Variants in TMEM135 observed in about 807,000 individuals in gnomAD.
TMEM135 encodes peroxisomal membrane protein 52.
A neutral mutation model predicts 60.3 loss-of-function variants in TMEM135; 30 were observed. That is an observed-to-expected ratio of 0.50 (90% CI 0.37 to 0.68). The LOEUF is 0.68. Among genes scored for constraint, TMEM135 ranks in the 30% least tolerant of loss-of-function variants. The pLI is 0.00. For synonymous variants in TMEM135, 190 were observed against 186.7 expected, an observed-to-expected ratio of 1.02 and a Z score of -0.14; for missense variants, 468 against 548.8, an observed-to-expected ratio of 0.85 and a Z score of 1.47.
chr11:87,105,856 C>A (rs1857581851), intron 4 of TMEM135, among the ~76,000 whole-genome samples: 1 of 152,118 alleles, frequency 6.6e-6, no homozygotes, highest in Non-Finnish European at 1.5e-5. Context: ...CCCTACTGTG[C>A]TATAGAACAC....
intron 5 of TMEM135, among the ~76,000 whole-genome samples, chr11:87,197,085 A>G (rs975000794): frequency 2.0e-5 from 3 of 152,100 alleles, no homozygotes; most frequent in Non-Finnish European, 4.4e-5. Flanking sequence ...TCTTTAGACA[A>G]ACAGCATTAA....
chr11:87,272,655 G>T (rs893151110), intron 6 of TMEM135, among the ~76,000 whole-genome samples: 1 of 151,896 alleles, frequency 6.6e-6, no homozygotes, highest in Non-Finnish European at 1.5e-5. Flanking sequence ...TAGAGATGAG[G>T]TCTTGCTCTG....
At chr11:87,270,300 G>T (rs561038394) in intron 6 of TMEM135, among the ~76,000 whole-genome samples, 2 of 151,814 alleles carry the variant, frequency 1.3e-5, no homozygotes, top group Non-Finnish European at 2.9e-5. Flanking sequence ...TAGGATGCCT[G>T]TTCACTCTGA....
chr11:87,116,702 C>G (rs904858821), intron 4 of TMEM135, among the ~76,000 whole-genome samples: 7 of 151,890 alleles, frequency 4.6e-5, no homozygotes, highest in Non-Finnish European at 7.4e-5. Flanking sequence ...GGGTTTGGAT[C>G]TAGACCACTG....
At chr11:87,043,931 C>A (rs984106599) in intron 1 of TMEM135, among the ~76,000 whole-genome samples, 2 of 152,046 alleles carry the variant, frequency 1.3e-5, no homozygotes, top group African/African-American at 2.4e-5. Context: ...AACACTAAGA[C>A]CTTTCTTTTC....
At chr11:87,187,567 T>G (rs888640572) in intron 5 of TMEM135, among the ~76,000 whole-genome samples, 1 of 152,200 alleles carries the variant, frequency 6.6e-6, no homozygotes, top group African/African-American at 2.4e-5. Context: ...AAATGTAGTT[T>G]GTTGTAATGA....
intron 1 of TMEM135, among the ~76,000 whole-genome samples, chr11:87,054,731 A>T (rs968446625): frequency 6.6e-6 from 1 of 152,166 alleles, no homozygotes; most frequent in African/African-American, 2.4e-5. Flanking sequence ...ATTGCCAGTG[A>T]TGAAGGAAGG....
chr11:87,250,858 G>A (rs1272870842), intron 6 of TMEM135, among the ~76,000 whole-genome samples: 2 of 152,178 alleles, frequency 1.3e-5, no homozygotes, highest in African/African-American at 4.8e-5. Flanking sequence ...CAGCAATGCA[G>A]AGAGTGAATT....
At chr11:87,146,480 G>A (rs540519820) in intron 4 of TMEM135, among the ~76,000 whole-genome samples, 4 of 152,146 alleles carry the variant, frequency 2.6e-5, no homozygotes, top group Non-Finnish European at 4.4e-5. Flanking sequence ...GGCCTTAAGC[G>A]ATCCTCCTAC....
chr11:87,144,709 A>AGTGTGTGTGTGTGTGTGTGTGTGT (rs4014711), intron 4 of TMEM135, among the ~76,000 whole-genome samples: 2 of 147,038 alleles, frequency 1.4e-5, no homozygotes, highest in East Asian at 2.0e-4. Context: ...TGTGTGTGAA[A>AGTGTGTGTGTGTGTGTGTGTGTGT]GTGTGTGTGT....
chr11:87,276,967 TG>T (rs1467534017), intron 6 of TMEM135, among the ~76,000 whole-genome samples: 5 of 151,518 alleles, frequency 3.3e-5, no homozygotes, highest in Non-Finnish European at 4.4e-5. Flanking sequence ...CCACTTTACC[TG>T]GCTTTTTTTT....
At chr11:87,309,452 C>T in intron 9 of TMEM135, 53 bp from the exon 10 acceptor site, 1 of 1,599,442 alleles carries the variant, frequency 6.3e-7, no homozygotes, top group Non-Finnish European at 8.6e-7. Context: ...CGTATTCTAT[C>T]AAAAACTTCA....
At chr11:87,106,996 C>T (rs1444515124) in intron 4 of TMEM135, among the ~76,000 whole-genome samples, 1 of 152,100 alleles carries the variant, frequency 6.6e-6, no homozygotes, top group Non-Finnish European at 1.5e-5. Context: ...TTTTAAATAA[C>T]TGGATTTCAC....
At chr11:87,195,318 CT>C (rs1939912069) in intron 5 of TMEM135, among the ~76,000 whole-genome samples, 1 of 6,182 alleles carries the variant, frequency 1.6e-4, no homozygotes, top group Non-Finnish European at 4.6e-4. Flanking sequence ...TTTCTCTTTC[CT>C]TCCTTCCTTC....
At chr11:87,144,237 T>G (rs1371648243) in intron 4 of TMEM135, among the ~76,000 whole-genome samples, 3 of 152,196 alleles carry the variant, frequency 2.0e-5, no homozygotes, top group African/African-American at 7.2e-5. Context: ...TACAATGAAT[T>G]ATCCTGATGA....
intron 5 of TMEM135, among the ~76,000 whole-genome samples, chr11:87,189,350 G>A (rs111264594): frequency 0.089 from 13,582 of 151,966 alleles, 674 homozygotes; most frequent in African/African-American, 0.12. Flanking sequence ...TAGTAGAGAC[G>A]GGGTTTTACC....
At chr11:87,222,414 C>T (rs1273004794) in intron 5 of TMEM135, among the ~76,000 whole-genome samples, 6 of 148,214 alleles carry the variant, frequency 4.0e-5, no homozygotes, top group African/African-American at 5.0e-5. Flanking sequence ...AGGAGAATGG[C>T]GTGAACCCTG....
chr11:87,098,045 AG>A (rs1473632831), intron 4 of TMEM135, among the ~76,000 whole-genome samples: 1 of 152,224 alleles, frequency 6.6e-6, no homozygotes, highest in Non-Finnish European at 1.5e-5. Context: ...TGCTGTATTA[AG>A]CCTAGAACAG....
intron 5 of TMEM135, 176 bp downstream of exon 5, chr11:87,157,582 C>A: frequency 1.8e-6 from 1 of 543,822 alleles, no homozygotes; most frequent in Non-Finnish European, 3.3e-6. Flanking sequence ...CATGTTGGAA[C>A]CAGATCTTAG....
Sources: gnomAD v4.1 joint callset for allele counts (sites outside exome capture counted in the v4.1 genomes callset) on GRCh38, gnomAD v4.1.1 for gene constraint, MANE v1.5 for transcripts, NCBI Gene and HGNC (gene_info 2026-07-23, HGNC 2026-07-21) for gene names.